Variants in SLC7A1 observed in about 807,000 individuals in gnomAD.
The protein encoded by SLC7A1 is high affinity cationic amino acid transporter 1.
Under a neutral mutation model 53.9 loss-of-function variants are expected in SLC7A1, and 10 were observed. The ratio of observed to expected loss-of-function variants is 0.19; its 90% CI spans 0.11 to 0.31. The LOEUF is 0.31. Ranked by LOEUF, SLC7A1 falls within the 10% of genes least tolerant of loss-of-function variation. The pLI, the probability that SLC7A1 is intolerant of heterozygous loss-of-function variation, is 1.00. For missense variants in SLC7A1, 525 were observed against 827.2 expected (o/e 0.63, Z 4.48); for synonymous variants, 342 against 338.7 (o/e 1.01, Z -0.11).
rs545995221 is a variant in SLC7A1, at chr13:29,556,381, T to C, written c.-114-2521A>G. 3.9e-5 allele frequency among the ~76,000 whole-genome samples: 6 copies of C among 152,230 alleles called. No homozygotes were observed. In the East Asian group the frequency reaches 9.7e-4, roughly 24 times the overall value. On this transcript the variant is annotated intron_variant, in intron 1 of 12. Transcript: ENST00000380752. Reference sequence around the variant, plus strand: ...TATTTCAAGTTGTTCTAAATTTTAATTTTCTTTTTTTTTAGACAGGGTCTC... The same window carrying C: ...TATTTCAAGTTGTTCTAAATTTTAACTTTCTTTTTTTTTAGACAGGGTCTC...
At chr13:29,586,607 C>T (rs950200147) in intron 1 of SLC7A1, 1 of 152,140 alleles carries the variant, frequency 6.6e-6, no homozygotes, top group African/African-American at 2.4e-5. Flanking sequence ...CTGAAAGACA[C>T]TCCCAAATGC....
rs917467789 is a variant in SLC7A1 at position 29,512,482 on chromosome 13, A to G, written c.*1998T>C. ...ACTAGAGAAAAGAAAAAAAAGAAAA[A>G]AGCAATTCTCTCCCACCACTTCACT... On this transcript the variant is annotated 3_prime_UTR_variant, in exon 13 of 13. Transcript: ENST00000380752. 6.6e-6 allele frequency: 1 copy of G among 152,204 alleles called. No homozygotes were observed. Among genetic ancestry groups the G allele is most frequent in the Non-Finnish European group, 1.5e-5 (1 of 68,042 alleles). The allele number at this position is 152,204 out of a possible 1,614,324, so 9.4% of individuals were successfully genotyped here. A position where few individuals can be genotyped will look rare whatever the true frequency, so the allele number is the denominator to read the frequency against.
Position 29,514,181 on chromosome 13 carries a change from C to T in SLC7A1, c.*299G>A. The T allele has an allele frequency of 2.5e-6, 1 of 393,124 alleles. No individual in the cohort carries two copies. Among genetic ancestry groups the T allele is most frequent in the Non-Finnish European group, 4.7e-6 (1 of 214,550 alleles). The allele number at this position is 393,124 out of a possible 1,614,324, so 24.4% of individuals were successfully genotyped here. Reference sequence around the variant, plus strand: ...TCCGTTCTGCCTGAGGCTGCGGCAGCTCGGGGCTGAGCTGGTAGGGGAGGA... The same window carrying T: ...TCCGTTCTGCCTGAGGCTGCGGCAGTTCGGGGCTGAGCTGGTAGGGGAGGA... On this transcript the variant is annotated 3_prime_UTR_variant, in exon 13 of 13. Coordinates refer to ENST00000380752, the MANE Select transcript of SLC7A1 (RefSeq NM_003045.5).
rs756924279 is a variant in SLC7A1 at position 29,536,091 on chromosome 13, T to G, written c.98A>C (p.Asn33Thr). Residue 33 changes from asparagine (N) to threonine (T), a missense_variant, in exon 3 of 13, where the codon AAC (asparagine) becomes ACC (threonine). Physicochemically the swap from Asn to Thr is moderately conservative, Grantham distance 65. Coordinates refer to ENST00000380752, the MANE Select transcript of SLC7A1 (RefSeq NM_003045.5). ...CCCGAGGGCCACCAGATCAAAAGTG[T>G]TCAGGCAGCGAGACAGCCGCGTCTC... ...REETRLSRCL[N>T]TFDLVALGVG... is the part of the protein sequence containing the mutation. 2 of 1,613,854 alleles carry G rather than the reference T, an allele frequency of 1.2e-6. No homozygotes were observed. Among genetic ancestry groups the G allele is most frequent in the African/African-American group, 2.7e-5 (2 of 74,924 alleles).
At chr13:29,576,422 C>CA (rs1178547760) in intron 1 of SLC7A1, among the ~76,000 whole-genome samples, 4 of 151,986 alleles carry the variant, frequency 2.6e-5, no homozygotes, top group Middle Eastern at 3.4e-3. Context: ...ATGCAACTGA[C>CA]ATGGTGTTGA....
chr13:29,535,713 C>T (rs1869379895), intron 3 of SLC7A1, 106 bp downstream of exon 3: 6 of 1,096,126 alleles, frequency 5.5e-6, no homozygotes, highest in African/African-American at 3.1e-5. Flanking sequence ...CTGTGCCTCT[C>T]GTGTTAACAA....
intron 1 of SLC7A1, among the ~76,000 whole-genome samples, chr13:29,587,545 T>C (rs764370606): frequency 8.5e-5 from 13 of 152,216 alleles, no homozygotes; most frequent in Admixed American, 7.2e-4. Context: ...CTCACTGATA[T>C]GGGGCCAGTG....
At chr13:29,581,737 T>C (rs73454227) in intron 1 of SLC7A1, among the ~76,000 whole-genome samples, 19,575 of 152,164 alleles carry the variant, frequency 0.13, 1,789 homozygotes, top group African/African-American at 0.26. Flanking sequence ...TCCCACCTCA[T>C]CTGCCCATTA....
chr13:29,530,482 T>TA, intron 5 of SLC7A1, 56 bp downstream of exon 5: 1 of 1,494,868 alleles, frequency 6.7e-7, no homozygotes, highest in East Asian at 2.3e-5. Flanking sequence ...ATATCCCCCA[T>TA]ACAATCTATG....
chr13:29,549,593 G>C (rs1593560027), intron 2 of SLC7A1, among the ~76,000 whole-genome samples: 1 of 152,104 alleles, frequency 6.6e-6, no homozygotes, highest in African/African-American at 2.4e-5. Flanking sequence ...TCCTTTTTTG[G>C]TTATGGCTTT....
At chr13:29,543,833 G>A (rs553369200) in intron 2 of SLC7A1, among the ~76,000 whole-genome samples, 6 of 152,134 alleles carry the variant, frequency 3.9e-5, no homozygotes, top group Middle Eastern at 3.4e-3. Flanking sequence ...GGTTCTGCAG[G>A]AGGACAGAGT....
chr13:29,532,813 GT>G lies in SLC7A1; in HGVS notation c.529+10del, dbSNP rs774710383. ...ACTCTGACCCGATCTCTTTTTAAGT[GT>G]GGGCTTTACCTGTCAAGATGAGAAT... On this transcript the variant is annotated intron_variant, in intron 4 of 12. Coordinates refer to ENST00000380752, the MANE Select transcript of SLC7A1 (RefSeq NM_003045.5). 2.1e-5 allele frequency: 34 copies of G among 1,607,062 alleles called. No homozygotes were observed. Among genetic ancestry groups the G allele is most frequent in the Non-Finnish European group, 2.9e-5 (34 of 1,175,138 alleles).
At chr13:29,524,043 A>G in intron 6 of SLC7A1, 89 bp downstream of exon 6, 6 of 1,341,008 alleles carry the variant, frequency 4.5e-6, no homozygotes, top group Non-Finnish European at 6.3e-6. Context: ...CGGCGACTGG[A>G]CCGTGCCAGC....
intron 1 of SLC7A1, among the ~76,000 whole-genome samples, chr13:29,565,023 C>T (rs1015730130): frequency 2.0e-5 from 3 of 152,184 alleles, no homozygotes; most frequent in Non-Finnish European, 4.4e-5. Context: ...GGGGGAGCTG[C>T]TATTTAAAGA....
At chr13:29,587,407 C>T (rs1871929244) in intron 1 of SLC7A1, among the ~76,000 whole-genome samples, 1 of 152,208 alleles carries the variant, frequency 6.6e-6, no homozygotes. Context: ...TTTTGAGAAG[C>T]ACAGTCATTG....
At chr13:29,561,974 G>T (rs918542258) in intron 1 of SLC7A1, among the ~76,000 whole-genome samples, 13 of 152,202 alleles carry the variant, frequency 8.5e-5, no homozygotes, top group African/African-American at 3.1e-4. Flanking sequence ...GATTTATCCA[G>T]ACTCTTGTTA....
At chr13:29,580,042 G>A (rs1871576086) in intron 1 of SLC7A1, among the ~76,000 whole-genome samples, 1 of 152,152 alleles carries the variant, frequency 6.6e-6, no homozygotes, top group South Asian at 2.1e-4. Context: ...CCATAATCAT[G>A]GAATGTCCCT....
intron 3 of SLC7A1, 24 bp downstream of exon 3, chr13:29,535,795 G>A (rs377161240): frequency 2.5e-6 from 4 of 1,597,832 alleles, no homozygotes; most frequent in African/African-American, 1.3e-5. Flanking sequence ...TAGAGGGCAC[G>A]AGCTCCGGAC....
At chr13:29,523,651 G>C (rs570263049) in intron 6 of SLC7A1, among the ~76,000 whole-genome samples, 163 bp from the exon 7 acceptor site, 1 of 152,322 alleles carries the variant, frequency 6.6e-6, no homozygotes, top group East Asian at 1.9e-4. Context: ...TGTGCTTCCG[G>C]GAGCAGAGGG....
Sources: allele counts gnomAD v4.1 joint callset (sites outside exome capture counted in the v4.1 genomes callset), GRCh38; gene constraint gnomAD v4.1.1; transcripts MANE v1.5; gene names NCBI Gene and HGNC (gene_info 2026-07-23, HGNC 2026-07-21).